NDRG4: variants seen among roughly 807,000 people sequenced by gnomAD.
NDRG4 encodes the protein NDRG family member 4.
A neutral mutation model predicts 55.8 loss-of-function variants in NDRG4; 38 were observed. The observed-to-expected ratio is 0.68, with a 90% CI of 0.53 to 0.89. NDRG4 has a LOEUF of 0.89. NDRG4 is among the 40% of genes least tolerant of loss of function. The probability of loss-of-function intolerance (pLI) is 0.00; values close to 1 mark genes in which losing one functional copy is unlikely to be tolerated. For synonymous variants in NDRG4, 190 were observed against 182.7 expected (o/e 1.04, Z -0.32); for missense variants, 455 against 468.6 (o/e 0.97, Z 0.27).
rs758451361 is a variant in NDRG4, at chr16:58,506,989, G to A, written c.594G>A (p.Leu198=). The A allele has an allele frequency of 1.2e-6, 2 of 1,613,918 alleles. No homozygotes were observed. The highest frequency in any genetic ancestry group is 1.7e-6 in the Non-Finnish European group (2 of 1,179,948). The change falls in exon 8 of 15, where the codon CTG becomes CTA. Residue 198 remains leucine (L), a synonymous_variant. Coordinates refer to ENST00000570248, the MANE Select transcript of NDRG4 (RefSeq NM_001242835.2). Reference sequence around the variant, plus strand: ...GGAACGTGGTGAACCAGGCCAACCTGCAGCTCTTCTGGAACATGTACAACA... The same window carrying A: ...GGAACGTGGTGAACCAGGCCAACCTACAGCTCTTCTGGAACATGTACAACA... The part of the protein sequence containing the change: ...QIGNVVNQAN[L]QLFWNMYNSR...
At chr16:58,495,081 C>T in intron 3 of NDRG4, 2 of 1,487,532 alleles carry the variant, frequency 1.3e-6, no homozygotes, top group Non-Finnish European at 1.9e-6. Flanking sequence ...GGCCAGGTCC[C>T]AGAGGAGGGT....
chr16:58,495,134 G>C, intron 3 of NDRG4: 3 of 932,010 alleles, frequency 3.2e-6, no homozygotes, highest in Non-Finnish European at 5.1e-6. Flanking sequence ...AGAGATGCTG[G>C]GGTGGGAGAT....
intron 1 of NDRG4, among the ~76,000 whole-genome samples, chr16:58,468,146 G>C (rs1223063950): frequency 1.3e-5 from 2 of 152,220 alleles, no homozygotes; most frequent in Non-Finnish European, 2.9e-5. Context: ...ACTAGAAGGA[G>C]ACCCATGGGT....
At chr16:58,497,202 G>A (rs1370996909), upstream of NDRG4, among the ~76,000 whole-genome samples, 1 of 152,080 alleles carries the variant, frequency 6.6e-6, no homozygotes, top group African/African-American at 2.4e-5. Flanking sequence ...GGCGCTGGTA[G>A]TCCCAGCTAC....
At position 58,469,856 on chromosome 16, in the gene NDRG4, A is replaced by G. The variant is rs1196950060; in HGVS notation, c.-24+6059A>G. ...TGTGCTATCATTTCTTCTTTTTTAC[A>G]AATAGGTAAACTGAGGCACAGATAG... On this transcript the variant is annotated intron_variant, in intron 1 of 15. Transcript: ENST00000258187. 9.9e-5 allele frequency among the ~76,000 whole-genome samples: 15 copies of G among 152,242 alleles called. 1 individual carries two copies. Among genetic ancestry groups the G allele is most frequent in the Admixed American group, 9.8e-4 (15 of 15,286 alleles).
intron 10 of NDRG4, 69 bp from the exon 11 acceptor site, chr16:58,508,893 C>T (rs1389390027): frequency 1.3e-6 from 2 of 1,577,754 alleles, no homozygotes; most frequent in Non-Finnish European, 1.7e-6. Context: ...CTTGGGGCAT[C>T]AAACCTGCCT....
At chr16:58,495,360 C>T (rs1384696588), upstream of NDRG4, 4 of 238,760 alleles carry the variant, frequency 1.7e-5, no homozygotes, top group Non-Finnish European at 3.3e-5. Flanking sequence ...AAACTGAAAG[C>T]GCCCTTTGTT....
upstream of NDRG4, among the ~76,000 whole-genome samples, chr16:58,498,481 A>G (rs1378214204): frequency 1.3e-5 from 2 of 152,180 alleles, no homozygotes; most frequent in African/African-American, 2.4e-5. Context: ...ACTTTCTCCA[A>G]GGGCAGCCAG....
Position 58,511,485 on chromosome 16 carries a change from C to G in NDRG4, c.968C>G (p.Ser323Trp). 1 of 1,612,884 alleles carries G rather than the reference C, an allele frequency of 6.2e-7. No homozygotes were observed. The highest frequency in any genetic ancestry group is 8.5e-7 in the Non-Finnish European group (1 of 1,179,924). ...SRTASLTSASSVDGSRPQACT... is the reference protein window; with the variant it reads ...SRTASLTSASWVDGSRPQACT... ...ACTGCATCCCTCACCAGTGCCAGCT[C>G]GGTGGATGGCAGCCGCCCACAGGCC... is the stretch of plus-strand genomic sequence containing the variant. Residue 323 changes from serine (S) to tryptophan (W), a missense_variant, in exon 15 of 15, where the codon TCG becomes TGG. Coordinates refer to ENST00000570248, the MANE Select transcript of NDRG4 (RefSeq NM_001242835.2).
chr16:58,500,438 G>A, intron 1 of NDRG4, 169 bp downstream of exon 1: 1 of 924,402 alleles, frequency 1.1e-6, no homozygotes, highest in Non-Finnish European at 1.6e-6. Context: ...CAGGTTCCCT[G>A]GTGATCCTGT....
Position 58,464,124 on chromosome 16 carries a change from TCCCACGGTGTCACCGCA to T in NDRG4, c.-24+333_-24+349del, listed in dbSNP as rs2031097306. 1 of 327,360 alleles carries T rather than the reference TCCCACGGTGTCACCGCA, an allele frequency of 3.1e-6. No homozygotes were observed. The highest frequency in any genetic ancestry group is 5.5e-6 in the Non-Finnish European group (1 of 181,310). The allele number at this position is 327,360 out of a possible 1,614,324, so 20.3% of individuals were successfully genotyped here. Reference sequence around the variant, plus strand: ...CGGGCGGCGGGCACGGGGGACCACCTCCCACGGTGTCACCGCACCCACCCCGCGCCCTTCCTCCGCCT... The same window carrying T: ...CGGGCGGCGGGCACGGGGGACCACCTCCCACCCCGCGCCCTTCCTCCGCCT... On this transcript the variant is annotated intron_variant, in intron 1 of 15. Transcript: ENST00000258187. The surrounding 1 kb of genome is among the most constrained non-coding windows in gnomAD (Gnocchi z 4.8).
chr16:58,500,389 G>T, intron 1 of NDRG4, 120 bp downstream of exon 1: 2 of 1,351,882 alleles, frequency 1.5e-6, no homozygotes, highest in Non-Finnish European at 2.0e-6. Flanking sequence ...CCTTCAAATA[G>T]CCTCACCCTG....
chr16:58,505,335 C>T (rs1016266699), intron 5 of NDRG4, among the ~76,000 whole-genome samples: 9 of 148,818 alleles, frequency 6.0e-5, no homozygotes, highest in Non-Finnish European at 8.9e-5. Context: ...GGCAACAGAG[C>T]GAGACTCTGT....
rs189173570 is a variant in NDRG4, at chr16:58,475,452, G to A, written c.-24+11655G>A. Among the ~76,000 whole-genome samples the A allele has an allele frequency of 3.9e-5, 6 of 152,312 alleles. No homozygotes were observed. The East Asian group carries it at 1.2e-3, about 29-fold the overall frequency. ...CTAGCATTTCCCTGTTTTTCTCTGG[G>A]AAAGCCCCACCCTTTCCTTTTTCCT... On this transcript the variant is annotated intron_variant, in intron 1 of 15. Coordinates refer to the NDRG4 transcript ENST00000258187.
intron 1 of NDRG4, among the ~76,000 whole-genome samples, chr16:58,484,694 G>C (rs978652032): frequency 3.3e-5 from 5 of 152,064 alleles, no homozygotes; most frequent in Admixed American, 6.6e-5. Context: ...GTCCCTTTAG[G>C]GAATAAGAGA....
Position 58,511,807 on chromosome 16 carries a change from C to A in NDRG4, c.*231C>A. The A allele has an allele frequency of 1.6e-6, 1 of 609,216 alleles. No individual in the cohort carries two copies. The highest frequency in any genetic ancestry group is 3.0e-6 in the Non-Finnish European group (1 of 335,422). The allele number at this position is 609,216 out of a possible 1,614,324, so 37.7% of individuals were successfully genotyped here. A position where few individuals can be genotyped will look rare whatever the true frequency, so the allele number is the denominator to read the frequency against. On this transcript the variant is annotated 3_prime_UTR_variant, in exon 15 of 15. Coordinates refer to ENST00000570248, the MANE Select transcript of NDRG4 (RefSeq NM_001242835.2). Reference sequence around the variant, plus strand: ...CGTGGTAACTTAGCCAACTTGACCCCTCTCATCCCACTCCCGGCGGCCCAG... The same window carrying A: ...CGTGGTAACTTAGCCAACTTGACCCATCTCATCCCACTCCCGGCGGCCCAG...
upstream of NDRG4, among the ~76,000 whole-genome samples, chr16:58,498,198 G>A (rs886138463): frequency 1.1e-4 from 16 of 152,160 alleles, no homozygotes; most frequent in Non-Finnish European, 1.2e-4. Context: ...ATTGTGGGCA[G>A]AGGGCAGGGC....
rs955390692 is a variant in NDRG4 at position 58,510,661 on chromosome 16, C to A, written c.882C>A (p.Asp294Glu). The change falls in exon 14 of 15, where the codon GAC becomes GAA. Residue 294 changes from aspartate (D) to glutamate (E), a missense_variant. Physicochemically the swap from Asp to Glu is conservative, Grantham distance 45. Transcript: ENST00000570248. Reference protein sequence around the residue: ...QGMGYIAYLKDRRLSGGAVPS... With the variant: ...QGMGYIAYLKERRLSGGAVPS... ...CTCTCTTAGTTGCGTACTTGAAGGACCGAAGGCTGAGTGGAGGAGCAGGTA... is the reference window on the plus strand; with the variant it reads ...CTCTCTTAGTTGCGTACTTGAAGGAACGAAGGCTGAGTGGAGGAGCAGGTA... 1 of 1,536,074 alleles carries A rather than the reference C, an allele frequency of 6.5e-7. No individual in the cohort carries two copies. The highest frequency in any genetic ancestry group is 8.7e-7 in the Non-Finnish European group (1 of 1,146,912).
rs1268965775 is a variant in NDRG4 at position 58,509,333 on chromosome 16, C to T, written c.846C>T (p.Phe282=). Residue 282 remains phenylalanine, a synonymous_variant, in exon 13 of 15, where the codon TTC becomes TTT. Coordinates refer to ENST00000570248, the MANE Select transcript of NDRG4 (RefSeq NM_001242835.2). ...AGCTGACTGAAGCCTTCAAATACTT[C>T]CTGCAAGGCATGGGCTACAGTGAGT... ...PGKLTEAFKY[F]LQGMGYIAYL... is the part of the protein sequence containing the mutation. 1 of 1,613,994 alleles carries T rather than the reference C, an allele frequency of 6.2e-7. No homozygotes were observed. The highest frequency in any genetic ancestry group is 8.5e-7 in the Non-Finnish European group (1 of 1,180,008).
Sources: allele counts gnomAD v4.1 joint callset (sites outside exome capture counted in the v4.1 genomes callset), GRCh38; gene constraint gnomAD v4.1.1; non-coding constraint Gnocchi (gnomAD v3.1); transcripts MANE v1.5; gene names NCBI Gene and HGNC (gene_info 2026-07-23, HGNC 2026-07-21).